CASTOR2: variants seen among roughly 807,000 people sequenced by gnomAD.
CASTOR2 encodes the protein cytosolic arginine sensor for mTORC1 subunit 2.
CASTOR2 carries 8 observed loss-of-function variants against 31.2 expected under a neutral mutation model. The ratio of observed to expected loss-of-function variants is 0.26; its 90% CI spans 0.15 to 0.46. The LOEUF (loss-of-function observed/expected upper bound fraction) is 0.46, where lower values mean the gene tolerates loss of function less well. CASTOR2 is among the 20% of genes least tolerant of loss of function. CASTOR2 has a pLI of 0.99. For synonymous variants in CASTOR2, 162 were observed against 158.7 expected (o/e 1.02, Z -0.16); for missense variants, 216 against 382.1 (o/e 0.57, Z 3.62).
In CASTOR2 at chr7:75,031,268, C is replaced by T. The variant is rs1805295665; in HGVS notation, c.*6569C>T. ...GCAGGGGACTTCCTGCCCACAACCC[C>T]CTCCAACCCTCACCTGGCGTGCCCG... On this transcript the variant is annotated 3_prime_UTR_variant, in exon 9 of 9. Transcript: ENST00000616305. 6.6e-6 allele frequency among the ~76,000 whole-genome samples: 1 copy of T among 152,116 alleles called. No individual in the cohort carries two copies. Among genetic ancestry groups the T allele is most frequent in the Non-Finnish European group, 1.5e-5 (1 of 68,018 alleles).
At chr7:75,016,654 G>A (rs1177688324) in intron 2 of CASTOR2, among the ~76,000 whole-genome samples, 1 of 152,168 alleles carries the variant, frequency 6.6e-6, no homozygotes, top group African/African-American at 2.4e-5. Context: ...TGGGACAATG[G>A]GTGTGATGGC....
chr7:75,015,630 T>C (rs1392880323), intron 2 of CASTOR2, among the ~76,000 whole-genome samples: 3 of 152,052 alleles, frequency 2.0e-5, no homozygotes, highest in Admixed American at 2.0e-4. Context: ...GTACTTTTCA[T>C]TTAGTGCCCA....
intron 1 of CASTOR2, among the ~76,000 whole-genome samples, chr7:74,996,035 G>A (rs1393688050): frequency 6.6e-6 from 1 of 152,080 alleles, no homozygotes; most frequent in Non-Finnish European, 1.5e-5. Flanking sequence ...CTCCCCAGTT[G>A]GTCTGTGTCT....
chr7:74,992,266 A>C (rs1353992230), intron 1 of CASTOR2, among the ~76,000 whole-genome samples: 1 of 152,036 alleles, frequency 6.6e-6, no homozygotes, highest in Non-Finnish European at 1.5e-5. Flanking sequence ...TCTAAAGATG[A>C]TCTATTCCAT....
intron 1 of CASTOR2, among the ~76,000 whole-genome samples, chr7:74,987,131 G>A (rs1335605178): frequency 2.0e-5 from 3 of 152,044 alleles, no homozygotes; most frequent in African/African-American, 4.8e-5. Flanking sequence ...CCGGCCGGGC[G>A]CAGTGGCTCA....
chr7:74,991,579 A>T (rs1804213052), intron 1 of CASTOR2, among the ~76,000 whole-genome samples: 1 of 152,176 alleles, frequency 6.6e-6, no homozygotes, highest in African/African-American at 2.4e-5. Context: ...AGCCCAGGCC[A>T]GGGTGGAGTT....
intron 2 of CASTOR2, among the ~76,000 whole-genome samples, chr7:75,010,817 GAAAA>G (rs1232092945): frequency 6.8e-6 from 1 of 147,630 alleles, no homozygotes; most frequent in African/African-American, 2.5e-5. Flanking sequence ...TATTGCCCAA[GAAAA>G]AAAAAATTGA....
Position 75,018,133 on chromosome 7 carries a change from G to A in CASTOR2, c.511+11G>A. 3 of 1,613,696 alleles carry A rather than the reference G, an allele frequency of 1.9e-6. No individual in the cohort carries two copies. Among genetic ancestry groups the A allele is most frequent in the Non-Finnish European group, 2.5e-6 (3 of 1,179,734 alleles). On this transcript the variant is annotated intron_variant, in intron 4 of 8. Coordinates refer to ENST00000616305, the MANE Select transcript of CASTOR2 (RefSeq NM_001145064.3). ...TGAAGCCCAAGCTGGGTGAGCTGGG[G>A]GCGGGGGTTTGTGCAGGGGAAACCT...
At chr7:74,994,640 C>T (rs1282871014) in intron 1 of CASTOR2, among the ~76,000 whole-genome samples, 1 of 151,982 alleles carries the variant, frequency 6.6e-6, no homozygotes. Context: ...ATCCCAGCTA[C>T]TTGGGAGGCT....
intron 2 of CASTOR2, among the ~76,000 whole-genome samples, chr7:75,015,043 C>A: frequency 6.6e-6 from 1 of 152,226 alleles, no homozygotes; most frequent in South Asian, 2.1e-4. Flanking sequence ...CTCTAGCCAC[C>A]CACTGGCTGA....
In CASTOR2 at chr7:75,029,875, A is replaced by G. The variant is rs1805252479; in HGVS notation, c.*5176A>G. Among the ~76,000 whole-genome samples the G allele has an allele frequency of 6.6e-6, 1 of 152,064 alleles. No homozygotes were observed. The highest frequency in any genetic ancestry group is 2.4e-5 in the African/African-American group (1 of 41,410). ...GGCCTGGTGGGGGCCCATTCAAAGG[A>G]GGCCGGGCTCGGTGGCTTAGGCCTG... On this transcript the variant is annotated 3_prime_UTR_variant, in exon 9 of 9. Coordinates refer to ENST00000616305, the MANE Select transcript of CASTOR2 (RefSeq NM_001145064.3).
intron 1 of CASTOR2, among the ~76,000 whole-genome samples, chr7:74,987,648 C>T (rs1804103505): frequency 6.6e-6 from 1 of 152,208 alleles, no homozygotes; most frequent in Admixed American, 6.5e-5. Context: ...AGTCAGGCCC[C>T]TCTCACAGTG....
chr7:74,986,861 T>C (rs1244923423), intron 1 of CASTOR2, among the ~76,000 whole-genome samples: 2 of 147,226 alleles, frequency 1.4e-5, no homozygotes, highest in Non-Finnish European at 3.0e-5. Flanking sequence ...GCCTGAACAA[T>C]GTAGTAAGAC....
intron 1 of CASTOR2, among the ~76,000 whole-genome samples, chr7:74,997,189 G>A (rs1473954890): frequency 6.6e-6 from 1 of 152,008 alleles, no homozygotes; most frequent in Non-Finnish European, 1.5e-5. Flanking sequence ...GAGTAGCTGG[G>A]ACTACAGGTG....
At chr7:74,987,741 A>C (rs1804105744) in intron 1 of CASTOR2, among the ~76,000 whole-genome samples, 1 of 151,746 alleles carries the variant, frequency 6.6e-6, no homozygotes, top group South Asian at 2.1e-4. Context: ...TTTTTTCGAG[A>C]CAGAGCACCT....
Position 75,027,805 on chromosome 7 carries a change from G to T in CASTOR2, c.*3106G>T, listed in dbSNP as rs981556076. 5.6e-4 allele frequency: 335 copies of T among 603,550 alleles called. 1 individual carries two copies. Among genetic ancestry groups the T allele is most frequent in the Non-Finnish European group, 8.8e-4 (298 of 339,048 alleles). 37.4% of individuals were successfully genotyped at this position (603,550 alleles called of 1,614,324 possible). On this transcript the variant is annotated 3_prime_UTR_variant, in exon 9 of 9. Transcript: ENST00000616305. ...TTATCTTCTCGGCGTTCTGTGTGTAGCGTAGTCTTGGTTTGGTCTCCACAG... is the reference window on the plus strand; with the variant it reads ...TTATCTTCTCGGCGTTCTGTGTGTATCGTAGTCTTGGTTTGGTCTCCACAG...
intron 2 of CASTOR2, among the ~76,000 whole-genome samples, chr7:75,013,890 G>C (rs1200124450): frequency 0.011 from 1,736 of 152,014 alleles, 44 homozygotes; most frequent in African/African-American, 0.039. Flanking sequence ...ACCACACCCG[G>C]CTACTTTTTA....
chr7:75,003,727 T>C (rs1405407765), intron 1 of CASTOR2, among the ~76,000 whole-genome samples: 1 of 150,998 alleles, frequency 6.6e-6, no homozygotes, highest in Non-Finnish European at 1.5e-5. Context: ...TCAGCCTGGG[T>C]AACAGAGCGA....
intron 1 of CASTOR2, among the ~76,000 whole-genome samples, chr7:74,999,904 C>T (rs1160263035): frequency 3.3e-5 from 5 of 152,152 alleles, no homozygotes; most frequent in Non-Finnish European, 7.3e-5. Context: ...TGAGCCACTG[C>T]GCCCGGCCAC....
Sources: allele counts gnomAD v4.1 joint callset (sites outside exome capture counted in the v4.1 genomes callset), GRCh38; gene constraint gnomAD v4.1.1; transcripts MANE v1.5; gene names NCBI Gene and HGNC (gene_info 2026-07-23, HGNC 2026-07-21).